GBF1: variants seen among roughly 807,000 people sequenced by gnomAD.
GBF1 encodes Golgi-specific brefeldin A-resistance guanine nucleotide exchange factor 1.
Under a neutral mutation model 210.5 loss-of-function variants are expected in GBF1, and 114 were observed. The ratio of observed to expected loss-of-function variants is 0.54; its 90% CI spans 0.47 to 0.63. The LOEUF (loss-of-function observed/expected upper bound fraction) is 0.63, where lower values mean the gene tolerates loss of function less well. Among genes scored for constraint, GBF1 ranks in the 30% least tolerant of loss-of-function variants. The pLI is 0.00. For synonymous variants in GBF1, 850 were observed against 889.2 expected (o/e 0.96, Z 0.78); for missense variants, 1,851 against 2,357.7 (o/e 0.79, Z 4.45).
At chr10:102,360,986 A>AAC in intron 12 of GBF1, 36 bp from the exon 13 acceptor site, 1 of 1,147,986 alleles carries the variant, frequency 8.7e-7, no homozygotes, top group South Asian at 1.3e-5. Context: ...AAAAAAAAAA[A>AAC]AAAAAACTCA....
rs748468698 is a variant in GBF1 at position 102,382,324 on chromosome 10, T to G, written c.5571T>G (p.Ser1857=). The G allele has an allele frequency of 8.7e-6, 14 of 1,608,956 alleles. No individual in the cohort carries two copies. In the East Asian group the frequency reaches 1.1e-4, roughly 13 times the overall value. Residue 1857 remains serine (S), a synonymous_variant, in exon 40 of 40, where the codon TCT becomes TCG. Coordinates refer to ENST00000369983, the MANE Select transcript of GBF1 (RefSeq NM_001377137.1). ...GCCCCACAGATCCCATACCCACCTC[T>G]GAGGTCAACTAAGGCAGGTCACTCA... ...TPRPTDPIPT[S]EVN
intron 4 of GBF1, among the ~76,000 whole-genome samples, chr10:102,347,871 G>A (rs917607004): frequency 2.0e-5 from 3 of 152,142 alleles, no homozygotes; most frequent in African/African-American, 7.2e-5. Context: ...GATTTCATGG[G>A]TTGCTAGCAA....
chr10:102,273,833 C>T (rs764853411), intron 3 of GBF1, among the ~76,000 whole-genome samples: 32 of 152,188 alleles, frequency 2.1e-4, no homozygotes, highest in Admixed American at 4.6e-4. Context: ...AGTAAGTATT[C>T]TTCCCCAAGG....
At chr10:102,378,827 A>G (rs529525156) in intron 33 of GBF1, among the ~76,000 whole-genome samples, 1 of 151,644 alleles carries the variant, frequency 6.6e-6, no homozygotes, top group East Asian at 2.0e-4. Context: ...CCATCTACTC[A>G]TAAGGCTGAG....
chr10:102,364,856 GA>G (rs1332165784), intron 17 of GBF1, among the ~76,000 whole-genome samples: 5 of 146,674 alleles, frequency 3.4e-5, no homozygotes, highest in Non-Finnish European at 6.0e-5. Flanking sequence ...CTCGGAAAAA[GA>G]AAAAAAAAAC....
At chr10:102,287,633 G>T (rs375780227) in intron 3 of GBF1, among the ~76,000 whole-genome samples, 68 of 152,256 alleles carry the variant, frequency 4.5e-4, no homozygotes, top group African/African-American at 1.5e-3. Context: ...TCATGTGGTT[G>T]TTGGCCAGAG....
At chr10:102,368,578 G>A (rs2060035016) in intron 22 of GBF1, 124 bp downstream of exon 22, 2 of 822,364 alleles carry the variant, frequency 2.4e-6, no homozygotes, top group Non-Finnish European at 4.0e-6. Context: ...AGTTTTTGGA[G>A]GGAGGCTGAA....
intron 3 of GBF1, among the ~76,000 whole-genome samples, chr10:102,336,302 A>AAAAAAAAAAAAAG (rs200774375): frequency 3.3e-5 from 5 of 149,860 alleles, no homozygotes; most frequent in African/African-American, 4.9e-5. Flanking sequence ...TTTGTCTCAA[A>AAAAAAAAAAAAAG]AAAAAAAAAA....
intron 3 of GBF1, among the ~76,000 whole-genome samples, chr10:102,342,554 A>G (rs2058273168): frequency 6.6e-6 from 1 of 151,990 alleles, no homozygotes; most frequent in African/African-American, 2.4e-5. Flanking sequence ...ATGCTACCCA[A>G]TCTGCCAATT....
rs2056087854 is a variant in GBF1 at position 102,318,694 on chromosome 10, TCC to T, written c.164-25355_164-25354del. Among the ~76,000 whole-genome samples the T allele has an allele frequency of 2.0e-5, 3 of 152,296 alleles. No homozygotes were observed. The South Asian group carries it at 6.2e-4, about 32-fold the overall frequency. Reference sequence around the variant, plus strand: ...CAACTTCCCCCCCTTCAAGGTCCCCTCCCTAAACTCTTTTAGCTGTTTATTCA... The same window carrying T: ...CAACTTCCCCCCCTTCAAGGTCCCCTCTAAACTCTTTTAGCTGTTTATTCA... On this transcript the variant is annotated intron_variant, in intron 3 of 39. Coordinates refer to ENST00000369983, the MANE Select transcript of GBF1 (RefSeq NM_001377137.1).
chr10:102,366,418 C>G lies in GBF1; in HGVS notation c.2345C>G (p.Ala782Gly), dbSNP rs1234837264. The change falls in exon 19 of 40, where the codon GCC becomes GGC. Residue 782 changes from alanine to glycine, a missense_variant. Coordinates refer to ENST00000369983, the MANE Select transcript of GBF1 (RefSeq NM_001377137.1). This position sits in a 1 kb window ranked among gnomAD's most constrained non-coding sequence, Gnocchi z 4.0. ...FSFQGLRLDE[A>G]LRLYLEAFRL... is the part of the protein sequence containing the mutation. ...TTTCAGGGTCTGCGACTGGACGAAGCCCTCCGCCTCTACCTGGAAGCCTTC... is the reference window on the plus strand; with the variant it reads ...TTTCAGGGTCTGCGACTGGACGAAGGCCTCCGCCTCTACCTGGAAGCCTTC... The G allele has an allele frequency of 6.2e-7, 1 of 1,613,958 alleles. No homozygotes were observed. The highest frequency in any genetic ancestry group is 1.1e-5 in the South Asian group (1 of 91,076).
intron 12 of GBF1, 88 bp from the exon 13 acceptor site, chr10:102,360,934 C>G: frequency 2.7e-6 from 2 of 734,724 alleles, no homozygotes; most frequent in South Asian, 1.5e-5. Flanking sequence ...GAGATTGCGC[C>G]ACTGCACTCC....
intron 11 of GBF1, among the ~76,000 whole-genome samples, chr10:102,359,660 A>G (rs2134997771): frequency 6.6e-6 from 1 of 152,238 alleles, no homozygotes; most frequent in Non-Finnish European, 1.5e-5. Context: ...ATAGGAAGCA[A>G]GAAGGAAGGG....
intron 3 of GBF1, among the ~76,000 whole-genome samples, chr10:102,302,923 G>T (rs1039403599): frequency 1.3e-5 from 2 of 149,902 alleles, no homozygotes; most frequent in Non-Finnish European, 3.0e-5. Context: ...GGTACAAAAT[G>T]TACATCTATG....
At chr10:102,339,797 AT>A (rs1040771511) in intron 3 of GBF1, among the ~76,000 whole-genome samples, 1 of 152,038 alleles carries the variant, frequency 6.6e-6, no homozygotes, top group Non-Finnish European at 1.5e-5. Flanking sequence ...TTTAATTTTT[AT>A]TTTTTGGAAC....
rs2059727601 is a variant in GBF1, at chr10:102,363,480, A to G, written c.2017+84A>G. The G allele has an allele frequency of 7.6e-7, 1 of 1,320,018 alleles. No homozygotes were observed. The highest frequency in any genetic ancestry group is 1.4e-5 in the South Asian group (1 of 74,062). The allele number at this position is 1,320,018 out of a possible 1,614,324, so 81.8% of individuals were successfully genotyped here. A position where few individuals can be genotyped will look rare whatever the true frequency, so the allele number is the denominator to read the frequency against. On this transcript the variant is annotated intron_variant, in intron 16 of 39. Transcript: ENST00000369983. This position sits in a 1 kb window ranked among gnomAD's most constrained non-coding sequence, Gnocchi z 4.2. The stretch of plus-strand genomic sequence containing the variant: ...GAGGGAGGGAGCAGACACCTAGGAT[A>G]GTAACTAAGCAAGCCTTGGTAGCCC...
rs191024097 is a variant in GBF1, at chr10:102,255,114, C to T, written c.-10-3815C>T. Among the ~76,000 whole-genome samples, 621 of 152,210 alleles carry T rather than the reference C, an allele frequency of 4.1e-3. 3 individuals are homozygous for T. The highest frequency in any genetic ancestry group is 0.014 in the African/African-American group (587 of 41,536). On this transcript the variant is annotated intron_variant, in intron 1 of 39. Transcript: ENST00000369983. ...GGAATGCAGTGGCGCGATCTCGGCT[C>T]ACTGTAACCTCCACCTCCTGGGTTC...
At chr10:102,340,071 A>G (rs1471992308) in intron 3 of GBF1, among the ~76,000 whole-genome samples, 2 of 149,938 alleles carry the variant, frequency 1.3e-5, no homozygotes, top group Admixed American at 6.7e-5. Context: ...CTTTCACCTC[A>G]GCCTCCCCAG....
intron 3 of GBF1, among the ~76,000 whole-genome samples, chr10:102,277,409 T>C (rs60059658): frequency 0.02 from 2,953 of 147,134 alleles, 38 homozygotes; most frequent in Middle Eastern, 0.036. Flanking sequence ...TTTTTTTTTT[T>C]CAGACAGTCT....
Sources: allele counts gnomAD v4.1 joint callset (sites outside exome capture counted in the v4.1 genomes callset), GRCh38; gene constraint gnomAD v4.1.1; non-coding constraint Gnocchi (gnomAD v3.1); transcripts MANE v1.5; gene names NCBI Gene and HGNC (gene_info 2026-07-23, HGNC 2026-07-21).